FMN2: variants seen among roughly 807,000 people sequenced by gnomAD.
The protein encoded by FMN2 is formin-2.
FMN2 carries 51 observed loss-of-function variants against 142.3 expected under a neutral mutation model. The ratio of observed to expected loss-of-function variants is 0.36; its 90% confidence interval spans 0.29 to 0.45. The LOEUF is 0.45. Among genes scored for constraint, FMN2 ranks in the 20% least tolerant of loss-of-function variants. The pLI is 1.00. For missense variants in FMN2, 1,936 were observed against 2,122.8 expected, an observed-to-expected ratio of 0.91 and a Z score of 1.73; for synonymous variants, 882 against 869.8, an observed-to-expected ratio of 1.01 and a Z score of -0.25.
At chr1:240,465,222 C>T (rs1015620223) in intron 16 of FMN2, among the ~76,000 whole-genome samples, 6 of 152,008 alleles carry the variant, frequency 3.9e-5, no homozygotes, top group Non-Finnish European at 7.4e-5. Flanking sequence ...TCTGTCTTTA[C>T]CTGGAGAGAA....
At chr1:240,282,987 A>C (rs1018433883) in intron 7 of FMN2, among the ~76,000 whole-genome samples, 1 of 152,152 alleles carries the variant, frequency 6.6e-6, no homozygotes, top group Non-Finnish European at 1.5e-5. Flanking sequence ...TCAGCATTCT[A>C]TTCCTTAGAA....
chr1:240,253,782 GT>G (rs1558395066), intron 6 of FMN2, among the ~76,000 whole-genome samples: 1 of 152,150 alleles, frequency 6.6e-6, no homozygotes, highest in Non-Finnish European at 1.5e-5. Context: ...TGTATCTGTG[GT>G]GTTGGTTTGA....
intron 16 of FMN2, among the ~76,000 whole-genome samples, chr1:240,468,315 T>C (rs376095700): frequency 2.7e-5 from 4 of 147,052 alleles, no homozygotes; most frequent in African/African-American, 5.2e-5. Flanking sequence ...CACACATATA[T>C]ACATATGCAC....
chr1:240,429,884 G>GTT (rs575967964), intron 15 of FMN2, among the ~76,000 whole-genome samples: 15 of 133,170 alleles, frequency 1.1e-4, no homozygotes, highest in African/African-American at 4.0e-4. Flanking sequence ...GTTTTTTTTT[G>GTT]TTTTTTTTTT....
At chr1:240,142,668 T>C in intron 2 of FMN2, 1 of 1,607,904 alleles carries the variant, frequency 6.2e-7, no homozygotes, top group Non-Finnish European at 8.5e-7. Flanking sequence ...GGTGGTCACT[T>C]AGAGATCATA....
chr1:240,194,847 A>G (rs1572045587), intron 4 of FMN2, among the ~76,000 whole-genome samples: 2 of 152,386 alleles, frequency 1.3e-5, no homozygotes, highest in East Asian at 3.9e-4. Context: ...GAGCTTGATC[A>G]AGAAGAGAAT....
At chr1:240,107,414 C>G (rs1661654026) in intron 1 of FMN2, among the ~76,000 whole-genome samples, 3 of 152,112 alleles carry the variant, frequency 2.0e-5, no homozygotes, top group Non-Finnish European at 4.4e-5. Flanking sequence ...ATTTAAAACT[C>G]TTCAACCAAG....
intron 8 of FMN2, among the ~76,000 whole-genome samples, chr1:240,296,828 C>G (rs1249964607): frequency 1.3e-5 from 2 of 152,102 alleles, no homozygotes; most frequent in African/African-American, 4.8e-5. Context: ...TTCAGTGAAA[C>G]TGAGTCAGAA....
At chr1:240,101,258 G>C (rs983862611) in intron 1 of FMN2, among the ~76,000 whole-genome samples, 1 of 152,164 alleles carries the variant, frequency 6.6e-6, no homozygotes, top group Non-Finnish European at 1.5e-5. Flanking sequence ...TGGTTCTATA[G>C]ATATGGTGAT....
chr1:240,247,329 C>T (rs1192552031), intron 6 of FMN2, among the ~76,000 whole-genome samples: 1 of 151,922 alleles, frequency 6.6e-6, no homozygotes, highest in Admixed American at 6.6e-5. Context: ...ATGGAGAAAC[C>T]CCATCTCTGC....
At chr1:240,103,943 C>T (rs1261699213) in intron 1 of FMN2, among the ~76,000 whole-genome samples, 2 of 151,664 alleles carry the variant, frequency 1.3e-5, no homozygotes, top group African/African-American at 2.4e-5. Context: ...GTGGTGCGAT[C>T]TCGGCTCACT....
chr1:240,392,556 A>C lies in FMN2; in HGVS notation c.4904A>C (p.His1635Pro). The change falls in exon 15 of 18, where the codon CAT (histidine) becomes CCT (proline). Residue 1635 changes from histidine (H) to proline (P), a missense_variant. By Grantham distance (77) the His-to-Pro change is moderately conservative (BLOSUM62 -2). Transcript: ENST00000319653. ...EAEENSLTETHKCFLETTAYF... is the reference protein window; with the variant it reads ...EAEENSLTETPKCFLETTAYF... ...GAGGAAAATTCACTGACAGAGACTC[A>C]TAAATGGTGAGAAATTACTTTATTT... The C allele has an allele frequency of 6.2e-7, 1 of 1,607,862 alleles. No individual in the cohort carries two copies. The highest frequency in any genetic ancestry group is 8.5e-7 in the Non-Finnish European group (1 of 1,177,078).
intron 15 of FMN2, among the ~76,000 whole-genome samples, chr1:240,421,491 G>GT (rs1212799228): frequency 1.3e-5 from 2 of 152,006 alleles, no homozygotes; most frequent in African/African-American, 4.8e-5. Flanking sequence ...GGATGTCTAT[G>GT]TTTATGTTCA....
intron 2 of FMN2, among the ~76,000 whole-genome samples, chr1:240,176,580 A>T (rs1199807990): frequency 1.3e-5 from 2 of 152,170 alleles, no homozygotes; most frequent in Non-Finnish European, 2.9e-5. Context: ...ATGTTCTCTG[A>T]TGTTGTACTC....
intron 6 of FMN2, among the ~76,000 whole-genome samples, chr1:240,239,189 A>G (rs1470134899): frequency 1.3e-5 from 2 of 152,216 alleles, no homozygotes; most frequent in African/African-American, 4.8e-5. Context: ...GCAAAACGCT[A>G]ATTTGAGACT....
intron 16 of FMN2, among the ~76,000 whole-genome samples, chr1:240,450,119 T>C (rs971902969): frequency 1.3e-5 from 2 of 152,120 alleles, no homozygotes; most frequent in Non-Finnish European, 2.9e-5. Context: ...ATTCTTGGTG[T>C]TTTAGGGCCT....
chr1:240,207,631 CGGG>C lies in FMN2; in HGVS notation c.2820_2822del (p.Gly941del), dbSNP rs760682900. Reference sequence around the variant, plus strand: ...CTCCCTCTGCCCCCTCTACCCGGAGCGGGAATACCTCCTCCGCCCCCTCTACCC... The same window carrying C: ...CTCCCTCTGCCCCCTCTACCCGGAGCAATACCTCCTCCGCCCCCTCTACCC... On this transcript the variant is annotated inframe_deletion, in exon 5 of 18. Transcript: ENST00000319653. The C allele has an allele frequency of 6.5e-5, 75 of 1,157,802 alleles. 1 individual carries two copies. Among genetic ancestry groups the C allele is most frequent in the Non-Finnish European group, 8.0e-5 (71 of 885,818 alleles). 71.7% of individuals were successfully genotyped at this position (1,157,802 alleles called of 1,614,324 possible). A position where few individuals can be genotyped will look rare whatever the true frequency, so the allele number is the denominator to read the frequency against.
chr1:240,201,498 A>G lies in FMN2; in HGVS notation c.1987-5301A>G, dbSNP rs182383108. 4.0e-4 allele frequency among the ~76,000 whole-genome samples: 61 copies of G among 152,260 alleles called. No individual in the cohort carries two copies. The East Asian group carries it at 0.011, about 27-fold the overall frequency. On this transcript the variant is annotated intron_variant, in intron 4 of 17. Transcript: ENST00000319653. The stretch of plus-strand genomic sequence containing the variant: ...TTAAAAAATGAATTTGCATATTAGG[A>G]TTGTCAGAGGCCTTTGGGGAAATTA...
intron 16 of FMN2, chr1:240,471,687 T>C (rs1676813749): frequency 6.5e-6 from 1 of 153,244 alleles, no homozygotes; most frequent in East Asian, 1.9e-4. Flanking sequence ...GCATGTAAAT[T>C]TTTATGTGAC....
Sources: allele counts gnomAD v4.1 joint callset (sites outside exome capture counted in the v4.1 genomes callset), GRCh38; gene constraint gnomAD v4.1.1; transcripts MANE v1.5; gene names NCBI Gene and HGNC (gene_info 2026-07-23, HGNC 2026-07-21).